The following PTPRG variants were observed in gnomAD, a reference collection of about 807,000 sequenced individuals.
PTPRG encodes receptor-type tyrosine-protein phosphatase gamma.
A neutral mutation model predicts 165.3 loss-of-function variants in PTPRG; 102 were observed. The ratio of observed to expected loss-of-function variants is 0.62; its 90% CI spans 0.53 to 0.73. PTPRG has a LOEUF of 0.73. Ranked by LOEUF, PTPRG falls within the 30% of genes least tolerant of loss-of-function variation. PTPRG has a pLI of 0.00. For synonymous variants in PTPRG, 675 were observed against 669.5 expected (o/e 1.01, Z -0.13); for missense variants, 1,866 against 1,861.4 (o/e 1.00, Z -0.05).
chr3:61,953,689 T>C (rs2039955265), intron 2 of PTPRG, among the ~76,000 whole-genome samples: 1 of 152,142 alleles, frequency 6.6e-6, no homozygotes, highest in Non-Finnish European at 1.5e-5. Context: ...CATTTTCTTC[T>C]CCAATGTAGA....
At chr3:61,951,597 C>T (rs1424291471) in intron 2 of PTPRG, among the ~76,000 whole-genome samples, 1 of 152,128 alleles carries the variant, frequency 6.6e-6, no homozygotes, top group Non-Finnish European at 1.5e-5. Flanking sequence ...GCAGAGGACT[C>T]CCCTAATTTC....
intron 1 of PTPRG, among the ~76,000 whole-genome samples, chr3:61,731,730 A>C (rs2032509815): frequency 6.6e-6 from 1 of 151,554 alleles, no homozygotes; most frequent in African/African-American, 2.4e-5. Context: ...TTTCCCATTT[A>C]TTTTTCCAGC....
chr3:62,101,525 C>G (rs1171310835), intron 5 of PTPRG, among the ~76,000 whole-genome samples: 1 of 152,200 alleles, frequency 6.6e-6, no homozygotes, highest in Non-Finnish European at 1.5e-5. Context: ...AAACACTTCA[C>G]TGTCTTACCC....
chr3:61,979,185 T>G (rs1441466396), intron 2 of PTPRG, among the ~76,000 whole-genome samples: 1 of 152,244 alleles, frequency 6.6e-6, no homozygotes, highest in African/African-American at 2.4e-5. Context: ...CAGATTTTGA[T>G]GCAATATGGT....
At chr3:61,799,572 T>A (rs754069716) in intron 2 of PTPRG, among the ~76,000 whole-genome samples, 2 of 152,232 alleles carry the variant, frequency 1.3e-5, no homozygotes, top group African/African-American at 2.4e-5. Context: ...TGGATTTACC[T>A]AAAGTTTTCC....
At chr3:61,816,439 G>C (rs1440022888) in intron 2 of PTPRG, among the ~76,000 whole-genome samples, 1 of 152,128 alleles carries the variant, frequency 6.6e-6, no homozygotes, top group Non-Finnish European at 1.5e-5. Context: ...GGCTGAGGCA[G>C]GGGAATCACT....
chr3:62,255,360 T>C lies in PTPRG; in HGVS notation c.2559+145T>C. On this transcript the variant is annotated intron_variant, in intron 16 of 29. Transcript: ENST00000474889. The surrounding 1 kb of genome is among the most constrained non-coding windows in gnomAD (Gnocchi z 4.0). ...TTTTTCTTTTCATCTATTATTTTAA[T>C]AGGCATTCTTTTCCAAATAAAATTT... 3.2e-6 allele frequency: 2 copies of C among 620,922 alleles called. No homozygotes were observed. Among genetic ancestry groups the C allele is most frequent in the African/African-American group, 1.9e-5 (1 of 52,620 alleles). The allele number at this position is 620,922 out of a possible 1,614,324, so 38.5% of individuals were successfully genotyped here.
intron 3 of PTPRG, among the ~76,000 whole-genome samples, chr3:62,000,821 T>C (rs1449717532): frequency 6.6e-6 from 1 of 152,176 alleles, no homozygotes; most frequent in Non-Finnish European, 1.5e-5. Flanking sequence ...GAAATGAGTT[T>C]GGAAATAACC....
chr3:61,768,078 T>C (rs1305031939), intron 2 of PTPRG, among the ~76,000 whole-genome samples: 2 of 152,116 alleles, frequency 1.3e-5, no homozygotes, highest in Middle Eastern at 3.4e-3. Flanking sequence ...ATTAGAGATA[T>C]ATTAATTGAT....
At chr3:61,953,195 AGCT>A (rs2039939586) in intron 2 of PTPRG, among the ~76,000 whole-genome samples, 1 of 152,134 alleles carries the variant, frequency 6.6e-6, no homozygotes, top group South Asian at 2.1e-4. Context: ...CTGTTTCAGA[AGCT>A]TAGCTTTAAT....
At chr3:62,117,773 T>C (rs17066104) in intron 5 of PTPRG, among the ~76,000 whole-genome samples, 158 of 152,272 alleles carry the variant, frequency 1.0e-3, no homozygotes, top group African/African-American at 3.6e-3. Flanking sequence ...GGCAGAAAAA[T>C]TTCATTTTCT....
At chr3:61,830,566 GTTTTTTTTTTTTT>G (rs57644199) in intron 2 of PTPRG, among the ~76,000 whole-genome samples, 2 of 86,500 alleles carry the variant, frequency 2.3e-5, no homozygotes, top group South Asian at 3.7e-4. Flanking sequence ...TTTTGTTTTT[GTTTTTTTTTTTTT>G]TTTTTTTTTT....
chr3:61,703,424 A>T (rs768001193), intron 1 of PTPRG, among the ~76,000 whole-genome samples: 28 of 152,226 alleles, frequency 1.8e-4, no homozygotes, highest in Non-Finnish European at 3.7e-4. Context: ...CTAGGCTGAC[A>T]TTTTTTCTCT....
At chr3:62,174,242 CAT>C (rs1475788330) in intron 8 of PTPRG, among the ~76,000 whole-genome samples, 1 of 152,164 alleles carries the variant, frequency 6.6e-6, no homozygotes, top group African/African-American at 2.4e-5. Context: ...CAACATGAAA[CAT>C]ATGGTTTATT....
intron 24 of PTPRG, chr3:62,276,598 C>A: frequency 5.3e-6 from 1 of 189,524 alleles, no homozygotes; most frequent in Non-Finnish European, 1.1e-5. Flanking sequence ...AGCAGAAAGA[C>A]ATGGAGAAAG....
intron 1 of PTPRG, among the ~76,000 whole-genome samples, chr3:61,709,988 A>G (rs1295389193): frequency 6.6e-6 from 1 of 152,178 alleles, no homozygotes; most frequent in Non-Finnish European, 1.5e-5. Flanking sequence ...GGACCACACT[A>G]GAAGTAACAT....
intron 2 of PTPRG, among the ~76,000 whole-genome samples, chr3:61,760,270 TTCAAAAGTTATGGC>T (rs1481923283): frequency 6.6e-6 from 1 of 152,218 alleles, no homozygotes; most frequent in Admixed American, 6.5e-5. Context: ...AGTATCCTAG[TTCAAAAGTTATGGC>T]TCATTGTAAG....
At chr3:61,904,143 C>G (rs1326854895) in intron 2 of PTPRG, among the ~76,000 whole-genome samples, 2 of 152,144 alleles carry the variant, frequency 1.3e-5, no homozygotes, top group African/African-American at 4.8e-5. Flanking sequence ...TCTGGCGTAA[C>G]CTCATCCTGT....
intron 2 of PTPRG, among the ~76,000 whole-genome samples, chr3:61,814,552 G>T (rs1559626801): frequency 6.6e-6 from 1 of 151,808 alleles, no homozygotes; most frequent in Non-Finnish European, 1.5e-5. Context: ...TATACTTGAA[G>T]ATCTGCTCTG....
Sources: allele counts gnomAD v4.1 joint callset (sites outside exome capture counted in the v4.1 genomes callset), GRCh38; gene constraint gnomAD v4.1.1; non-coding constraint Gnocchi (gnomAD v3.1); transcripts MANE v1.5; gene names NCBI Gene and HGNC (gene_info 2026-07-23, HGNC 2026-07-21).